The following SCMH1 variants were observed in gnomAD, a reference collection of about 807,000 sequenced individuals.
SCMH1 encodes polycomb protein SCMH1.
A neutral mutation model predicts 70.8 loss-of-function variants in SCMH1; 37 were observed. The observed-to-expected ratio is 0.52, with a 90% CI of 0.40 to 0.69. The LOEUF (loss-of-function observed/expected upper bound fraction) is 0.69. SCMH1 is among the 30% of genes least tolerant of loss of function. SCMH1 has a pLI of 0.00. For missense variants in SCMH1, 607 were observed against 827.3 expected, an observed-to-expected ratio of 0.73 and a Z score of 3.27; for synonymous variants, 292 against 307.4, an observed-to-expected ratio of 0.95 and a Z score of 0.52.
exon 15 of SCMH1, chr1:41,028,109 G>T: frequency 1.3e-6 from 2 of 1,557,270 alleles, no homozygotes; most frequent in Non-Finnish European, 8.8e-7. Context: ...CCCCACTGAG[G>T]TGCCTGGGGT....
intron 10 of SCMH1, among the ~76,000 whole-genome samples, chr1:41,061,147 G>A (rs1013330853): frequency 6.6e-6 from 1 of 152,132 alleles, no homozygotes; most frequent in Non-Finnish European, 1.5e-5. Context: ...CTAACTTTGG[G>A]AGACATTTAG....
At chr1:41,028,453 A>G (rs1644040739) in intron 14 of SCMH1, 131 bp downstream of exon 15, 1 of 1,500,034 alleles carries the variant, frequency 6.7e-7, no homozygotes. Flanking sequence ...ACCTGCTGTG[A>G]TGCTGAAGCC....
intron 8 of SCMH1, among the ~76,000 whole-genome samples, chr1:41,110,470 T>C (rs1305182609): frequency 6.6e-6 from 1 of 152,222 alleles, no homozygotes; most frequent in East Asian, 1.9e-4. Flanking sequence ...CCCTAGTCAC[T>C]GGCAACCACG....
At chr1:41,127,309 T>C (rs181189759) in intron 6 of SCMH1, among the ~76,000 whole-genome samples, 1 of 152,332 alleles carries the variant, frequency 6.6e-6, no homozygotes, top group Admixed American at 6.5e-5. Flanking sequence ...CATTTGTCTT[T>C]TAGCTTTGCT....
intron 7 of SCMH1, among the ~76,000 whole-genome samples, chr1:41,114,707 G>C (rs993840211): frequency 1.3e-5 from 2 of 151,074 alleles, no homozygotes; most frequent in Admixed American, 1.3e-4. Flanking sequence ...GAAAGGGTCT[G>C]GTTCTGTCAC....
At chr1:41,070,877 T>C (rs562043289) in intron 9 of SCMH1, among the ~76,000 whole-genome samples, 156 bp from the exon 10 acceptor site, 1 of 152,336 alleles carries the variant, frequency 6.6e-6, no homozygotes, top group South Asian at 2.1e-4. Flanking sequence ...AAGCTATACA[T>C]ATACCTGTAG....
At chr1:41,173,698 A>C (rs1357662403) in intron 2 of SCMH1, among the ~76,000 whole-genome samples, 1 of 152,222 alleles carries the variant, frequency 6.6e-6, no homozygotes, top group Non-Finnish European at 1.5e-5. Flanking sequence ...AATAGTCAAG[A>C]TATGGGATCA....
At chr1:41,167,131 T>G (rs998890006) in intron 2 of SCMH1, among the ~76,000 whole-genome samples, 3 of 152,134 alleles carry the variant, frequency 2.0e-5, no homozygotes, top group African/African-American at 7.2e-5. Flanking sequence ...TTCTGTTACA[T>G]GGTGACTCAC....
At chr1:41,108,394 A>C (rs1009361927) in intron 8 of SCMH1, among the ~76,000 whole-genome samples, 1 of 152,236 alleles carries the variant, frequency 6.6e-6, no homozygotes, top group African/African-American at 2.4e-5. Context: ...AGGGGAAGTC[A>C]AGTGGATTAT....
intron 10 of SCMH1, among the ~76,000 whole-genome samples, chr1:41,068,532 A>G (rs1655437835): frequency 6.6e-6 from 1 of 152,104 alleles, no homozygotes; most frequent in African/African-American, 2.4e-5. Flanking sequence ...CAGCCTCCTG[A>G]GTAGCTGGGA....
chr1:41,173,710 C>T (rs1410456300), intron 2 of SCMH1, among the ~76,000 whole-genome samples: 1 of 152,042 alleles, frequency 6.6e-6, no homozygotes, highest in South Asian at 2.1e-4. Context: ...ATGGGATCAA[C>T]CAAAGTGTCC....
chr1:41,081,608 A>G (rs531938262), intron 8 of SCMH1, among the ~76,000 whole-genome samples: 22 of 152,296 alleles, frequency 1.4e-4, no homozygotes, highest in African/African-American at 5.3e-4. Context: ...GCTTGAGGCC[A>G]GGAGTTTGAA....
chr1:41,128,350 T>G (rs968132616), intron 6 of SCMH1, among the ~76,000 whole-genome samples: 1 of 152,230 alleles, frequency 6.6e-6, no homozygotes, highest in Admixed American at 6.5e-5. Flanking sequence ...AGTACTGATA[T>G]GCTTGTGATT....
At chr1:41,196,138 C>G (rs535789501) in intron 1 of SCMH1, among the ~76,000 whole-genome samples, 1 of 152,212 alleles carries the variant, frequency 6.6e-6, no homozygotes, top group South Asian at 2.1e-4. Flanking sequence ...GATGGCAATA[C>G]TATCCAAAGC....
rs561862744 is a variant in SCMH1, at chr1:41,046,080, TCA to T, written c.1498+325_1498+326del. Reference sequence around the variant, plus strand: ...GTGTGTTAGGCCTTTGCTGCCAGGTTCACACTGGGAGACGTTCTGTGACTTCT... The same window carrying T: ...GTGTGTTAGGCCTTTGCTGCCAGGTTCACTGGGAGACGTTCTGTGACTTCT... On this transcript the variant is annotated intron_variant, in intron 12 of 14. Transcript: ENST00000337495. 1.4e-3 allele frequency among the ~76,000 whole-genome samples: 212 copies of T among 152,182 alleles called. 1 individual carries two copies. Among genetic ancestry groups the T allele is most frequent in the South Asian group, 2.7e-3 (13 of 4,810 alleles).
chr1:41,154,208 C>G (rs537922510), intron 4 of SCMH1, among the ~76,000 whole-genome samples: 2 of 152,190 alleles, frequency 1.3e-5, no homozygotes, highest in Non-Finnish European at 2.9e-5. Context: ...CTGGGCCTCA[C>G]CTTCAGAAGT....
chr1:41,039,765 C>A (rs956137564), intron 12 of SCMH1, among the ~76,000 whole-genome samples: 16 of 152,176 alleles, frequency 1.1e-4, no homozygotes, highest in Middle Eastern at 3.4e-3. Context: ...TGAGCAACCA[C>A]ACCTGGCCTG....
chr1:41,177,920 C>A, intron 2 of SCMH1, among the ~76,000 whole-genome samples: 1 of 152,086 alleles, frequency 6.6e-6, no homozygotes, highest in Non-Finnish European at 1.5e-5. Flanking sequence ...AAGAGCAACT[C>A]CAAGACACAT....
chr1:41,085,099 A>G (rs900886668), intron 8 of SCMH1, among the ~76,000 whole-genome samples: 4 of 151,812 alleles, frequency 2.6e-5, no homozygotes, highest in African/African-American at 7.3e-5. Context: ...CACATTGTGC[A>G]CATGTACCCT....
Sources: allele counts gnomAD v4.1 joint callset (sites outside exome capture counted in the v4.1 genomes callset), GRCh38; gene constraint gnomAD v4.1.1; transcripts MANE v1.5; gene names NCBI Gene and HGNC (gene_info 2026-07-23, HGNC 2026-07-21).